Variants in FBXL17 observed in about 807,000 individuals in gnomAD.
FBXL17 encodes the protein F-box/LRR-repeat protein 17.
Under a neutral mutation model 66.2 loss-of-function variants are expected in FBXL17, and 22 were observed. The observed-to-expected ratio is 0.33, with a 90% CI of 0.24 to 0.47. The LOEUF is 0.47. FBXL17 is among the 20% of genes least tolerant of loss of function. FBXL17 has a pLI of 1.00. For synonymous variants in FBXL17, 474 were observed against 400.5 expected (o/e 1.18, Z -2.19); for missense variants, 878 against 948.2 (o/e 0.93, Z 0.97).
chr5:108,268,664 T>C (rs1200281013), intron 4 of FBXL17, among the ~76,000 whole-genome samples: 3 of 152,134 alleles, frequency 2.0e-5, no homozygotes, highest in African/African-American at 7.2e-5. Flanking sequence ...GCATTTTCTT[T>C]AAAGATATTT....
intron 6 of FBXL17, among the ~76,000 whole-genome samples, chr5:108,120,068 A>C (rs1397809503): frequency 6.6e-6 from 1 of 152,188 alleles, no homozygotes; most frequent in African/African-American, 2.4e-5. Flanking sequence ...CCACTCCAAA[A>C]ACTAGGCACT....
At chr5:108,055,313 AG>A (rs372742544) in intron 6 of FBXL17, among the ~76,000 whole-genome samples, 90 of 17,122 alleles carry the variant, frequency 5.3e-3, no homozygotes, top group African/African-American at 0.014. Flanking sequence ...AAAAAAAAAA[AG>A]AAAAACGCTT....
chr5:108,229,104 T>C (rs992924403), intron 4 of FBXL17, among the ~76,000 whole-genome samples: 4 of 152,154 alleles, frequency 2.6e-5, no homozygotes, highest in East Asian at 3.8e-4. Flanking sequence ...AGTATGGTCA[T>C]TTTCACAAAA....
At chr5:108,145,421 C>T (rs1751515756) in intron 6 of FBXL17, among the ~76,000 whole-genome samples, 1 of 152,144 alleles carries the variant, frequency 6.6e-6, no homozygotes, top group African/African-American at 2.4e-5. Flanking sequence ...TTCATAAAAT[C>T]CAACACCAGA....
intron 7 of FBXL17, among the ~76,000 whole-genome samples, chr5:107,973,705 C>T (rs1176283381): frequency 6.6e-6 from 1 of 152,024 alleles, no homozygotes; most frequent in Non-Finnish European, 1.5e-5. Context: ...CAAACTTAAT[C>T]AGTATGCCTT....
chr5:108,307,610 A>AT (rs1440688131), intron 4 of FBXL17, among the ~76,000 whole-genome samples: 24 of 151,704 alleles, frequency 1.6e-4, no homozygotes, highest in Admixed American at 1.6e-3. Flanking sequence ...ACCCAGCCAT[A>AT]TTTTTTTTTG....
At chr5:107,876,601 C>T (rs114641207) in intron 8 of FBXL17, among the ~76,000 whole-genome samples, 5,249 of 152,264 alleles carry the variant, frequency 0.034, 141 homozygotes, top group Middle Eastern at 0.082. Flanking sequence ...CTGTTTTTTC[C>T]GCCAGTGCCA....
intron 6 of FBXL17, among the ~76,000 whole-genome samples, chr5:108,154,910 T>C (rs915112184): frequency 6.6e-6 from 1 of 151,458 alleles, no homozygotes; most frequent in Non-Finnish European, 1.5e-5. Context: ...AAACGGGATT[T>C]CCATAAATTG....
At chr5:108,112,294 G>A (rs1750067759) in intron 6 of FBXL17, among the ~76,000 whole-genome samples, 1 of 152,196 alleles carries the variant, frequency 6.6e-6, no homozygotes, top group South Asian at 2.1e-4. Context: ...GAAATATCTG[G>A]AGCTTAGGCC....
intron 2 of FBXL17, among the ~76,000 whole-genome samples, chr5:108,367,102 C>T (rs1748716124): frequency 6.6e-6 from 1 of 151,922 alleles, no homozygotes; most frequent in Non-Finnish European, 1.5e-5. Flanking sequence ...TAGTAATACA[C>T]CATGGCAGAA....
intron 6 of FBXL17, among the ~76,000 whole-genome samples, chr5:108,175,407 CATT>C (rs1384047336): frequency 3.9e-5 from 6 of 152,274 alleles, no homozygotes; most frequent in Non-Finnish European, 7.4e-5. Flanking sequence ...TTACAATCAA[CATT>C]ATTATTTCAT....
chr5:108,161,039 G>T (rs141298452), intron 6 of FBXL17, among the ~76,000 whole-genome samples: 356 of 152,294 alleles, frequency 2.3e-3, no homozygotes, highest in Non-Finnish European at 4.0e-3. Context: ...TAGGTTCCTG[G>T]AGGAGAGGTA....
At chr5:107,942,381 C>A (rs756852989) in intron 7 of FBXL17, among the ~76,000 whole-genome samples, 10 of 152,150 alleles carry the variant, frequency 6.6e-5, no homozygotes, top group Non-Finnish European at 1.3e-4. Flanking sequence ...CTTTGTATAA[C>A]CTCTGCTGCA....
intron 4 of FBXL17, among the ~76,000 whole-genome samples, chr5:108,311,556 T>C (rs1759118023): frequency 6.6e-6 from 1 of 152,158 alleles, no homozygotes; most frequent in African/African-American, 2.4e-5. Flanking sequence ...CTTCCAAATG[T>C]ACAATACATT....
chr5:108,076,556 T>TA (rs34341885), intron 6 of FBXL17, among the ~76,000 whole-genome samples: 45 of 152,150 alleles, frequency 3.0e-4, no homozygotes, highest in Middle Eastern at 3.4e-3. Flanking sequence ...GTGATTTTTT[T>TA]AAAGAAAATT....
chr5:108,197,050 C>T (rs1410898236), intron 5 of FBXL17, among the ~76,000 whole-genome samples: 2 of 152,168 alleles, frequency 1.3e-5, no homozygotes, highest in Non-Finnish European at 2.9e-5. Flanking sequence ...TGCTCCTCCT[C>T]TTTCACTCTG....
intron 7 of FBXL17, among the ~76,000 whole-genome samples, chr5:107,931,885 T>C (rs956150332): frequency 3.3e-5 from 5 of 152,206 alleles, no homozygotes; most frequent in Non-Finnish European, 7.3e-5. Flanking sequence ...ATGTCTGTCT[T>C]CTTGACATAC....
At chr5:108,184,679 G>A (rs895987911) in intron 6 of FBXL17, among the ~76,000 whole-genome samples, 2 of 146,834 alleles carry the variant, frequency 1.4e-5, no homozygotes, top group African/African-American at 5.1e-5. Context: ...AGGAGGTGGA[G>A]GCTGAAGTGA....
intron 7 of FBXL17, among the ~76,000 whole-genome samples, chr5:107,940,668 T>C (rs1327950979): frequency 6.6e-6 from 1 of 152,120 alleles, no homozygotes; most frequent in African/African-American, 2.4e-5. Flanking sequence ...GGGAGGGTAA[T>C]GGGTCCGTTC....
Sources: gnomAD v4.1 joint callset for allele counts (sites outside exome capture counted in the v4.1 genomes callset) on GRCh38, gnomAD v4.1.1 for gene constraint, MANE v1.5 for transcripts, NCBI Gene and HGNC (gene_info 2026-07-23, HGNC 2026-07-21) for gene names.